Variants in CEP83 observed in about 807,000 individuals in gnomAD.
CEP83 encodes centrosomal protein of 83 kDa.
Under a neutral mutation model 101.9 loss-of-function variants are expected in CEP83, and 70 were observed. The observed-to-expected ratio is 0.69, with a 90% CI of 0.57 to 0.84. The LOEUF is 0.84. CEP83 is among the 40% of genes least tolerant of loss of function. The probability of loss-of-function intolerance (pLI) is 0.00; values close to 1 mark genes in which losing one functional copy is unlikely to be tolerated. For missense variants in CEP83, 715 were observed against 787.2 expected (o/e 0.91, Z 1.10); for synonymous variants, 264 against 267.9 (o/e 0.99, Z 0.14).
chr12:94,430,455 T>C (rs956320729), intron 2 of CEP83, among the ~76,000 whole-genome samples: 2 of 146,794 alleles, frequency 1.4e-5, no homozygotes, highest in Non-Finnish European at 3.0e-5. Context: ...ATTCTGGAAC[T>C]GAAGACTTCA....
chr12:94,357,914 C>A (rs922150200), intron 11 of CEP83, among the ~76,000 whole-genome samples: 10 of 152,150 alleles, frequency 6.6e-5, no homozygotes, highest in Admixed American at 6.5e-4. Context: ...ATTAAACGAA[C>A]AGGAGGATTT....
chr12:94,282,218 T>C, the CEP83 span: 1 of 911,304 alleles, frequency 1.1e-6, no homozygotes, highest in Non-Finnish European at 1.8e-6. Flanking sequence ...TTATTCAAGT[T>C]TTAGTTATCC....
chr12:94,296,962 CT>C, the CEP83 span, among the ~76,000 whole-genome samples: 10 of 152,260 alleles, frequency 6.6e-5, no homozygotes, highest in African/African-American at 9.6e-5. Context: ...TCAGAGATCA[CT>C]AGGGAATCTA....
At chr12:94,403,027 A>G (rs2063343635) in intron 5 of CEP83, 143 bp downstream of exon 5, 2 of 483,534 alleles carry the variant, frequency 4.1e-6, no homozygotes, top group Non-Finnish European at 3.6e-6. Flanking sequence ...TGGGAGTTCA[A>G]TCCTGTGAAG....
At chr12:94,370,079 T>C in intron 8 of CEP83, 43 bp from the exon 9 acceptor site, 1 of 1,136,092 alleles carries the variant, frequency 8.8e-7, no homozygotes, top group Non-Finnish European at 1.3e-6. Context: ...GTCATTTTCT[T>C]GCCATTCAAT....
At chr12:94,280,389 T>C in the CEP83 span, among the ~76,000 whole-genome samples, 1 of 152,212 alleles carries the variant, frequency 6.6e-6, no homozygotes, top group East Asian at 1.9e-4. Context: ...CGAGGTTCAC[T>C]TCCCCTTGAT....
At chr12:94,307,195 G>A (rs765999607), downstream of CEP83, 4 of 152,202 alleles carry the variant, frequency 2.6e-5, no homozygotes, top group Non-Finnish European at 5.9e-5. Context: ...GGACTGTGCT[G>A]TTGGGAACTT....
intron 14 of CEP83, among the ~76,000 whole-genome samples, chr12:94,316,215 T>C (rs1196051507): frequency 1.3e-5 from 2 of 152,182 alleles, no homozygotes; most frequent in Non-Finnish European, 2.9e-5. Context: ...CATCTTTCAC[T>C]AGATTTGTTC....
chr12:94,334,776 A>G (rs1001563925), intron 12 of CEP83, among the ~76,000 whole-genome samples: 1 of 152,150 alleles, frequency 6.6e-6, no homozygotes, highest in Non-Finnish European at 1.5e-5. Flanking sequence ...TTATCCATGT[A>G]GAACTATTCA....
rs913132348 is a variant in CEP83 at position 94,307,714 on chromosome 12, G to GTTTT, written c.*1095_*1098dup. ...TTTTTTCAATTTTCTAGTTATAATA[G>GTTTT]TTTTTTTATTCTAAGTGGCTCCGTG... On this transcript the variant is annotated 3_prime_UTR_variant, in exon 17 of 17. Transcript: ENST00000397809. The GTTTT allele has an allele frequency of 1.3e-5, 2 of 149,856 alleles. No individual in the cohort carries two copies. Among genetic ancestry groups the GTTTT allele is most frequent in the African/African-American group, 4.9e-5 (2 of 40,762 alleles). The allele number at this position is 149,856 out of a possible 1,614,324, so 9.3% of individuals were successfully genotyped here.
chr12:94,344,586 C>T (rs952271941), intron 11 of CEP83, among the ~76,000 whole-genome samples: 1 of 151,918 alleles, frequency 6.6e-6, no homozygotes, highest in Admixed American at 6.6e-5. Context: ...CAAATGAACT[C>T]CATTTATACC....
At chr12:94,338,763 A>G (rs2059556047) in intron 11 of CEP83, among the ~76,000 whole-genome samples, 1 of 152,114 alleles carries the variant, frequency 6.6e-6, no homozygotes, top group Non-Finnish European at 1.5e-5. Flanking sequence ...GTAATTATGA[A>G]GGCAGAAATA....
At chr12:94,273,449 T>G in the CEP83 span, among the ~76,000 whole-genome samples, 1 of 152,108 alleles carries the variant, frequency 6.6e-6, no homozygotes, top group Admixed American at 6.5e-5. Context: ...GTCTCCATGG[T>G]CTAGGGGCCT....
chr12:94,356,634 T>C (rs1471026789), intron 11 of CEP83, among the ~76,000 whole-genome samples: 1 of 152,224 alleles, frequency 6.6e-6, no homozygotes, highest in Admixed American at 6.5e-5. Context: ...CCTTTTCCTT[T>C]TAAATTACTT....
intron 11 of CEP83, among the ~76,000 whole-genome samples, chr12:94,348,623 G>C (rs1284773348): frequency 6.6e-6 from 1 of 152,092 alleles, no homozygotes; most frequent in Non-Finnish European, 1.5e-5. Context: ...CCAAACTTGT[G>C]CCAAAAAGGC....
chr12:94,274,981 A>G, the CEP83 span, among the ~76,000 whole-genome samples: 1 of 152,228 alleles, frequency 6.6e-6, no homozygotes, highest in Non-Finnish European at 1.5e-5. Context: ...GTCATTATTT[A>G]GTGATCCTGT....
intron 11 of CEP83, among the ~76,000 whole-genome samples, chr12:94,366,619 T>C (rs2061040752): frequency 6.6e-6 from 1 of 152,114 alleles, no homozygotes. Context: ...AGATTATTAA[T>C]ATAGAGAAAA....
At chr12:94,403,857 G>A (rs577767591) in intron 4 of CEP83, among the ~76,000 whole-genome samples, 2 of 146,348 alleles carry the variant, frequency 1.4e-5, no homozygotes, top group South Asian at 4.3e-4. Context: ...TTTCATGAAT[G>A]AAGGAGGAAC....
chr12:94,265,974 T>C, the CEP83 span, among the ~76,000 whole-genome samples: 1 of 152,234 alleles, frequency 6.6e-6, no homozygotes. Flanking sequence ...GCTTTTCTGT[T>C]AGTAGAGACT....
Sources: allele counts gnomAD v4.1 joint callset (sites outside exome capture counted in the v4.1 genomes callset), GRCh38; gene constraint gnomAD v4.1.1; transcripts MANE v1.5; gene names NCBI Gene and HGNC (gene_info 2026-07-23, HGNC 2026-07-21).